The following B3GALT1 variants were observed in gnomAD, a reference collection of about 807,000 sequenced individuals.
B3GALT1 encodes the protein UDP-Gal:betaGlcNAc beta 1,3-galactosyltransferase, polypeptide 1.
B3GALT1 carries 10 observed loss-of-function variants against 23.2 expected under a neutral mutation model. The ratio of observed to expected loss-of-function variants is 0.43; its 90% CI spans 0.27 to 0.73. The LOEUF (loss-of-function observed/expected upper bound fraction) is 0.73. B3GALT1 is among the 30% of genes least tolerant of loss of function. The pLI, the probability that B3GALT1 is intolerant of heterozygous loss-of-function variation, is 0.21. For synonymous variants in B3GALT1, 156 were observed against 141.5 expected, an observed-to-expected ratio of 1.10 and a Z score of -0.73; for missense variants, 299 against 405.4, an observed-to-expected ratio of 0.74 and a Z score of 2.25.
At chr2:167,407,308 C>T (rs999867879) in intron 1 of B3GALT1, among the ~76,000 whole-genome samples, 2 of 151,938 alleles carry the variant, frequency 1.3e-5, no homozygotes, top group Admixed American at 1.3e-4. Context: ...AATGGAAATA[C>T]AACATACTAA....
chr2:167,640,510 A>G (rs974008483), intron 2 of B3GALT1, among the ~76,000 whole-genome samples: 1 of 150,892 alleles, frequency 6.6e-6, no homozygotes, highest in Non-Finnish European at 1.5e-5. Flanking sequence ...AACTATGTCA[A>G]AAAGTCTTTA....
At chr2:167,761,168 C>G (rs1012317004) in intron 3 of B3GALT1, among the ~76,000 whole-genome samples, 1 of 152,098 alleles carries the variant, frequency 6.6e-6, no homozygotes, top group African/African-American at 2.4e-5. Context: ...TTATCAGCAC[C>G]CTTTTTGTAA....
intron 2 of B3GALT1, among the ~76,000 whole-genome samples, chr2:167,580,460 C>T (rs1684463005): frequency 6.6e-6 from 1 of 151,874 alleles, no homozygotes; most frequent in South Asian, 2.1e-4. Flanking sequence ...CAAAAACAAA[C>T]AAGCAGAAAA....
intron 2 of B3GALT1, among the ~76,000 whole-genome samples, chr2:167,522,079 T>G (rs1271653544): frequency 6.7e-6 from 1 of 150,082 alleles, no homozygotes; most frequent in African/African-American, 2.4e-5. Context: ...CCAAAATATA[T>G]TAGGAATTAC....
chr2:167,616,888 G>T (rs1234608389), intron 2 of B3GALT1, among the ~76,000 whole-genome samples: 1 of 152,050 alleles, frequency 6.6e-6, no homozygotes, highest in Admixed American at 6.6e-5. Context: ...AATTGATTCA[G>T]ATCTCCTCTA....
chr2:167,634,497 A>G (rs1685513571), intron 2 of B3GALT1, among the ~76,000 whole-genome samples: 1 of 152,174 alleles, frequency 6.6e-6, no homozygotes, highest in African/African-American at 2.4e-5. Context: ...AATAGACACA[A>G]TAAAAAATGA....
chr2:167,825,437 GGTGTGTGTGTGTGTGTGTGCGTGCACGT>G (rs1163721007), intron 4 of B3GALT1, among the ~76,000 whole-genome samples: 2 of 144,574 alleles, frequency 1.4e-5, no homozygotes, highest in Admixed American at 1.4e-4. Flanking sequence ...TATATGCAGG[GGTGTGTGTGTGTGTGTGTGCGTGCACGT>G]GTGTGTGTGT....
rs566725758 is a variant in B3GALT1, at chr2:167,349,279, T to A, written c.-511+55945T>A. 2.0e-5 allele frequency among the ~76,000 whole-genome samples: 3 copies of A among 152,294 alleles called. No individual in the cohort carries two copies. In the South Asian group the frequency reaches 6.2e-4, roughly 32 times the overall value. ...TTTTTGCCTGGTACCTTAATCATCC[T>A]TTTGTCCAGCCTATCCACACTGTTG... On this transcript the variant is annotated intron_variant, in intron 1 of 4. Coordinates refer to ENST00000392690, the MANE Select transcript of B3GALT1 (RefSeq NM_020981.4).
chr2:167,491,483 CTTTTT>C (rs35378344), intron 2 of B3GALT1, among the ~76,000 whole-genome samples: 13 of 122,024 alleles, frequency 1.1e-4, no homozygotes, highest in Non-Finnish European at 1.7e-4. Flanking sequence ...TTTACTTTTG[CTTTTT>C]TTTTTTTTTT....
At chr2:167,814,005 T>C (rs1688942039) in intron 3 of B3GALT1, among the ~76,000 whole-genome samples, 1 of 152,250 alleles carries the variant, frequency 6.6e-6, no homozygotes. Flanking sequence ...GCAAAAATCT[T>C]TTATGACTTC....
chr2:167,755,191 G>A (rs1342378875), intron 3 of B3GALT1, among the ~76,000 whole-genome samples: 2 of 152,034 alleles, frequency 1.3e-5, no homozygotes, highest in Admixed American at 1.3e-4. Flanking sequence ...GCCCACAGAA[G>A]GCTTTTTAAT....
intron 2 of B3GALT1, among the ~76,000 whole-genome samples, chr2:167,521,912 A>G (rs941072600): frequency 6.7e-6 from 1 of 150,044 alleles, no homozygotes; most frequent in African/African-American, 2.4e-5. Flanking sequence ...TATATTGTAG[A>G]CACAAAGCAA....
At chr2:167,355,922 T>A (rs1418217887) in intron 1 of B3GALT1, among the ~76,000 whole-genome samples, 1 of 152,148 alleles carries the variant, frequency 6.6e-6, no homozygotes, top group Non-Finnish European at 1.5e-5. Flanking sequence ...GTGGTAAGGA[T>A]GGGAGAGTAT....
intron 2 of B3GALT1, among the ~76,000 whole-genome samples, chr2:167,520,697 A>G (rs554640145): frequency 2.6e-5 from 4 of 152,284 alleles, no homozygotes; most frequent in African/African-American, 9.6e-5. Flanking sequence ...CTTTGTCTTC[A>G]GGATCATACT....
chr2:167,547,221 C>T (rs1447027406), intron 2 of B3GALT1, among the ~76,000 whole-genome samples: 2 of 152,184 alleles, frequency 1.3e-5, no homozygotes, highest in African/African-American at 4.8e-5. Context: ...TTCAACAGAT[C>T]CATACACAAT....
At chr2:167,321,780 C>T (rs548724895) in intron 1 of B3GALT1, among the ~76,000 whole-genome samples, 3 of 152,038 alleles carry the variant, frequency 2.0e-5, no homozygotes, top group African/African-American at 7.2e-5. Context: ...CCCATTTTAA[C>T]TGCCACCCTT....
intron 3 of B3GALT1, among the ~76,000 whole-genome samples, chr2:167,708,820 T>C (rs994459749): frequency 1.3e-5 from 2 of 152,176 alleles, no homozygotes; most frequent in African/African-American, 4.8e-5. Flanking sequence ...CCCTCACCAG[T>C]GTCTGCAAGA....
At chr2:167,351,582 G>A (rs912450797) in intron 1 of B3GALT1, among the ~76,000 whole-genome samples, 11 of 152,196 alleles carry the variant, frequency 7.2e-5, no homozygotes, top group African/African-American at 2.7e-4. Context: ...AAGTACACAA[G>A]TGTGTGTAGA....
chr2:167,576,539 T>G (rs1245653450), intron 2 of B3GALT1, among the ~76,000 whole-genome samples: 6 of 147,960 alleles, frequency 4.1e-5, no homozygotes, highest in African/African-American at 7.6e-5. Context: ...TTTGTTTTTT[T>G]TTTTTGTTTT....
Sources: allele counts gnomAD v4.1 joint callset (sites outside exome capture counted in the v4.1 genomes callset), GRCh38; gene constraint gnomAD v4.1.1; transcripts MANE v1.5; gene names NCBI Gene and HGNC (gene_info 2026-07-23, HGNC 2026-07-21).